The following LIX1 variants were observed in gnomAD, a reference collection of about 807,000 sequenced individuals.
LIX1 encodes protein limb expression 1 homolog.
Under a neutral mutation model 33.4 loss-of-function variants are expected in LIX1, and 24 were observed. The ratio of observed to expected loss-of-function variants is 0.72; its 90% CI spans 0.52 to 1.01. The LOEUF is 1.01. Ranked by LOEUF, LIX1 falls within the 50% of genes least tolerant of loss-of-function variation. The pLI is 0.00. For missense variants in LIX1, 311 were observed against 339.2 expected, an observed-to-expected ratio of 0.92 and a Z score of 0.65; for synonymous variants, 124 against 124.0, an observed-to-expected ratio of 1.00 and a Z score of 0.00.
At chr5:97,104,938 A>G (rs1746932708) in intron 4 of LIX1, among the ~76,000 whole-genome samples, 1 of 152,122 alleles carries the variant, frequency 6.6e-6, no homozygotes, top group South Asian at 2.1e-4. Flanking sequence ...AGAATCCCTT[A>G]TTTCTTAGAT....
chr5:97,111,033 C>A (rs557769924), intron 2 of LIX1, among the ~76,000 whole-genome samples: 2 of 152,256 alleles, frequency 1.3e-5, no homozygotes, highest in Admixed American at 6.5e-5. Flanking sequence ...TGAGTGCCAT[C>A]TCTTTTAGGA....
At chr5:97,096,507 G>A (rs1011724039) in intron 5 of LIX1, among the ~76,000 whole-genome samples, 5 of 152,208 alleles carry the variant, frequency 3.3e-5, no homozygotes, top group African/African-American at 1.2e-4. Flanking sequence ...GGAGGCAGGG[G>A]AGGTGTATGG....
At chr5:97,125,223 A>T (rs1356613769) in intron 1 of LIX1, among the ~76,000 whole-genome samples, 1 of 152,234 alleles carries the variant, frequency 6.6e-6, no homozygotes, top group Non-Finnish European at 1.5e-5. Flanking sequence ...CTTGTTAAGA[A>T]CAAGGTCTGT....
intron 2 of LIX1, among the ~76,000 whole-genome samples, chr5:97,123,015 AC>A (rs1747822059): frequency 6.6e-6 from 1 of 151,858 alleles, no homozygotes; most frequent in Non-Finnish European, 1.5e-5. Flanking sequence ...TGCTCACTTC[AC>A]CCTCAGTCTC....
chr5:97,125,977 A>T (rs1025884474), intron 1 of LIX1, among the ~76,000 whole-genome samples: 4 of 152,342 alleles, frequency 2.6e-5, no homozygotes, highest in Non-Finnish European at 5.9e-5. Flanking sequence ...GAGGAGGGCT[A>T]AGTTTTGACA....
At chr5:97,098,952 TTC>T (rs555165291) in intron 4 of LIX1, among the ~76,000 whole-genome samples, 211 of 152,358 alleles carry the variant, frequency 1.4e-3, no homozygotes, top group African/African-American at 5.0e-3. Flanking sequence ...CAGTTTGGCA[TTC>T]TGTCTAAGTT....
Position 97,107,354 on chromosome 5 carries a change from A to G in LIX1, c.387+6T>C. 2 of 1,611,816 alleles carry G rather than the reference A, an allele frequency of 1.2e-6. No individual in the cohort carries two copies. The highest frequency in any genetic ancestry group is 1.7e-6 in the Non-Finnish European group (2 of 1,179,788). On this transcript the variant is annotated splice_donor_region_variant and intron_variant, in intron 3 of 5. Transcript: ENST00000274382. ...CCATCTCCTGCCCTCCATGGTGGGTACTCACGCTGGTGGAGGCTACTGCTT... is the reference window on the plus strand; with the variant it reads ...CCATCTCCTGCCCTCCATGGTGGGTGCTCACGCTGGTGGAGGCTACTGCTT...
chr5:97,141,934 A>G (rs1038145234), intron 1 of LIX1, among the ~76,000 whole-genome samples: 3 of 152,232 alleles, frequency 2.0e-5, no homozygotes, highest in Non-Finnish European at 2.9e-5. Flanking sequence ...TAGGGGGTCC[A>G]CACAGGGAGT....
At chr5:97,124,890 A>G (rs1468119877) in intron 1 of LIX1, among the ~76,000 whole-genome samples, 1 of 152,158 alleles carries the variant, frequency 6.6e-6, no homozygotes, top group Non-Finnish European at 1.5e-5. Flanking sequence ...GTAAGGCTCA[A>G]GAAGTGGTTT....
At position 97,116,890 on chromosome 5, in the gene LIX1, G is replaced by T. The variant is rs184190213; in HGVS notation, c.246+7576C>A. On this transcript the variant is annotated intron_variant, in intron 2 of 5. Coordinates refer to ENST00000274382, the MANE Select transcript of LIX1 (RefSeq NM_153234.5). ...ATCTTTCTAAAGTTTATGAACTAGGGGCTGGGAGACTCCTGTGGAGATAGT... is the reference window on the plus strand; with the variant it reads ...ATCTTTCTAAAGTTTATGAACTAGGTGCTGGGAGACTCCTGTGGAGATAGT... 1.7e-4 allele frequency among the ~76,000 whole-genome samples: 26 copies of T among 152,096 alleles called. No homozygotes were observed. In the East Asian group the frequency reaches 5.0e-3, roughly 29 times the overall value.
chr5:97,139,300 T>TATA (rs753597474), intron 1 of LIX1, among the ~76,000 whole-genome samples: 31 of 152,234 alleles, frequency 2.0e-4, no homozygotes, highest in Non-Finnish European at 4.0e-4. Context: ...TTAGCCTTAC[T>TATA]ATTAAATGGT....
intron 2 of LIX1, 145 bp downstream of exon 2, chr5:97,124,321 C>A (rs1244922098): frequency 3.0e-5 from 18 of 608,916 alleles, no homozygotes; most frequent in Non-Finnish European, 4.7e-5. Flanking sequence ...AAATTTAATT[C>A]CTTTCTGGTT....
chr5:97,103,837 C>T (rs1249616883), intron 4 of LIX1, among the ~76,000 whole-genome samples: 23 of 151,876 alleles, frequency 1.5e-4, no homozygotes, highest in Admixed American at 9.2e-4. Flanking sequence ...TGGTGGTGGG[C>T]GCCTGTAGTC....
Position 97,093,189 on chromosome 5 carries a change from A to G in LIX1, c.*1559T>C, listed in dbSNP as rs1746162739. 1 of 152,316 alleles carries G rather than the reference A, an allele frequency of 6.6e-6. No individual in the cohort carries two copies. Among genetic ancestry groups the G allele is most frequent in the South Asian group, 2.1e-4 (1 of 4,832 alleles). The allele number at this position is 152,316 out of a possible 1,614,324, so 9.4% of individuals were successfully genotyped here. The stretch of plus-strand genomic sequence containing the variant: ...TACATGATCAGTTACAGTAGTTTTC[A>G]TGTGGATTTAAGGAGTGATGGTTAC... On this transcript the variant is annotated 3_prime_UTR_variant, in exon 6 of 6. Transcript: ENST00000274382.
At chr5:97,116,276 A>G (rs316217) in intron 2 of LIX1, among the ~76,000 whole-genome samples, 53,276 of 151,998 alleles carry the variant, frequency 0.35, 11,096 homozygotes, top group African/African-American at 0.59. Context: ...GGATATATTA[A>G]CATTTTTTCT....
At chr5:97,101,650 T>C (rs1047865747) in intron 4 of LIX1, 1 of 152,242 alleles carries the variant, frequency 6.6e-6, no homozygotes, top group African/African-American at 2.4e-5. Context: ...ACAACGGGGC[T>C]CTGTCCTCAC....
At chr5:97,124,358 C>T (rs1747857464) in intron 2 of LIX1, 108 bp downstream of exon 2, 1 of 972,034 alleles carries the variant, frequency 1.0e-6, no homozygotes, top group Non-Finnish European at 1.5e-6. Context: ...TATGGTACAA[C>T]TTTGTTCACT....
rs570476951 is a variant in LIX1 at position 97,128,739 on chromosome 5, C to G, written c.83-4110G>C. Among the ~76,000 whole-genome samples, 6 of 152,244 alleles carry G rather than the reference C, an allele frequency of 3.9e-5. No individual in the cohort carries two copies. In the South Asian group the frequency reaches 1.2e-3, roughly 32 times the overall value. On this transcript the variant is annotated intron_variant, in intron 1 of 5. Coordinates refer to ENST00000274382, the MANE Select transcript of LIX1 (RefSeq NM_153234.5). Reference sequence around the variant, plus strand: ...GGGCATAAACCTTAAACTTCATTTCCTCTTTCAATATCTAATAAATGCCCA... The same window carrying G: ...GGGCATAAACCTTAAACTTCATTTCGTCTTTCAATATCTAATAAATGCCCA...
At chr5:97,111,498 T>C (rs1207991535) in intron 2 of LIX1, among the ~76,000 whole-genome samples, 1 of 152,118 alleles carries the variant, frequency 6.6e-6, no homozygotes, top group East Asian at 1.9e-4. Flanking sequence ...CTTTGGAAAA[T>C]CAGTTCCCCA....
Sources: allele counts gnomAD v4.1 joint callset (sites outside exome capture counted in the v4.1 genomes callset), GRCh38; gene constraint gnomAD v4.1.1; transcripts MANE v1.5; gene names NCBI Gene and HGNC (gene_info 2026-07-23, HGNC 2026-07-21).